Variants in FBLN5 observed in about 807,000 individuals in gnomAD.
The protein encoded by FBLN5 is fibulin-5.
Under a neutral mutation model 61.6 loss-of-function variants are expected in FBLN5, and 24 were observed. The observed-to-expected ratio is 0.39, with a 90% CI of 0.28 to 0.55. FBLN5 has a LOEUF of 0.55. Among genes scored for constraint, FBLN5 ranks in the 20% least tolerant of loss-of-function variants. The probability of loss-of-function intolerance (pLI) is 0.65; values close to 1 mark genes in which losing one functional copy is unlikely to be tolerated. For synonymous variants in FBLN5, 213 were observed against 219.8 expected (o/e 0.97, Z 0.27); for missense variants, 470 against 594.1 (o/e 0.79, Z 2.17).
chr14:91,894,820 C>T, intron 5 of FBLN5, 130 bp downstream of exon 5: 1 of 473,572 alleles, frequency 2.1e-6, no homozygotes, highest in South Asian at 1.6e-5. Context: ...AATAGCCTTC[C>T]ACCCCTCCCG....
intron 4 of FBLN5, among the ~76,000 whole-genome samples, chr14:91,926,874 A>C (rs1291627127): frequency 6.6e-6 from 1 of 152,176 alleles, no homozygotes; most frequent in Non-Finnish European, 1.5e-5. Flanking sequence ...ACTAAGCCTC[A>C]AAACATTCCC....
intron 10 of FBLN5, among the ~76,000 whole-genome samples, chr14:91,871,811 C>G (rs1039309927): frequency 6.6e-6 from 1 of 151,202 alleles, no homozygotes; most frequent in East Asian, 1.9e-4. Context: ...GAATAGAGAT[C>G]GCACCACTAT....
chr14:91,898,741 C>T (rs1477661325), intron 4 of FBLN5, among the ~76,000 whole-genome samples: 1 of 150,318 alleles, frequency 6.7e-6, no homozygotes, highest in Non-Finnish European at 1.5e-5. Context: ...GAAAAGAATG[C>T]TGGGTGCATT....
chr14:91,870,803 C>G (rs1888888189), intron 10 of FBLN5, among the ~76,000 whole-genome samples: 1 of 152,150 alleles, frequency 6.6e-6, no homozygotes, highest in Non-Finnish European at 1.5e-5. Flanking sequence ...CTGAGTCCCC[C>G]TAGAAGCCAG....
At chr14:91,923,035 C>T (rs763450947) in intron 4 of FBLN5, among the ~76,000 whole-genome samples, 37 of 152,142 alleles carry the variant, frequency 2.4e-4, no homozygotes, top group Non-Finnish European at 4.6e-4. Context: ...TGAGAAGATA[C>T]CATCTCCGAA....
rs2056142427 is a variant in FBLN5, at chr14:91,943,728, A to C, written c.18-767T>G. On this transcript the variant is annotated intron_variant, in intron 1 of 10. Coordinates refer to ENST00000342058, the MANE Select transcript of FBLN5 (RefSeq NM_006329.4). The surrounding 1 kb of genome is among the most constrained non-coding windows in gnomAD (Gnocchi z 4.0). ...CCAAAGAAAGGTGTCACAGGAAGTC[A>C]CTGAACCAGAGCATTGAGTCCACAT... is the stretch of plus-strand genomic sequence containing the variant. Among the ~76,000 whole-genome samples the C allele has an allele frequency of 6.6e-6, 1 of 152,204 alleles. No individual in the cohort carries two copies. Among genetic ancestry groups the C allele is most frequent in the African/African-American group, 2.4e-5 (1 of 41,450 alleles).
chr14:91,878,731 GC>G (rs1481265849), intron 9 of FBLN5, among the ~76,000 whole-genome samples: 1 of 152,094 alleles, frequency 6.6e-6, no homozygotes, highest in Admixed American at 6.5e-5. Flanking sequence ...TCCCATTCCA[GC>G]CCAAGTGTCA....
At chr14:91,923,620 T>G (rs1251562193) in intron 4 of FBLN5, among the ~76,000 whole-genome samples, 1 of 152,190 alleles carries the variant, frequency 6.6e-6, no homozygotes, top group East Asian at 1.9e-4. Context: ...ACCATATGCA[T>G]TCACATTCCT....
At chr14:91,885,666 T>A (rs1314240206) in intron 7 of FBLN5, among the ~76,000 whole-genome samples, 1 of 152,038 alleles carries the variant, frequency 6.6e-6, no homozygotes, top group East Asian at 1.9e-4. Context: ...ACTCAGGGAG[T>A]GACTTGGTCA....
chr14:91,915,853 T>A (rs1449680627), intron 4 of FBLN5, among the ~76,000 whole-genome samples: 1 of 152,166 alleles, frequency 6.6e-6, no homozygotes, highest in Non-Finnish European at 1.5e-5. Context: ...GGTTAGACCA[T>A]TCTAACTTTC....
At chr14:91,917,983 G>A (rs1891266787) in intron 4 of FBLN5, among the ~76,000 whole-genome samples, 1 of 152,204 alleles carries the variant, frequency 6.6e-6, no homozygotes. Context: ...CAAGGACTAA[G>A]CCTCCCTCTG....
At chr14:91,946,397 C>T (rs533325235) in intron 1 of FBLN5, among the ~76,000 whole-genome samples, 52 of 152,174 alleles carry the variant, frequency 3.4e-4, no homozygotes, top group African/African-American at 1.3e-3. Context: ...GTGGGTTCGC[C>T]GGTGTTGTGC....
At chr14:91,939,193 A>G (rs907182804) in intron 3 of FBLN5, among the ~76,000 whole-genome samples, 1 of 152,106 alleles carries the variant, frequency 6.6e-6, no homozygotes, top group African/African-American at 2.4e-5. Flanking sequence ...CATATGCCCT[A>G]TGCTCTGTCA....
rs929962655 is a variant in FBLN5, at chr14:91,899,037, C to T, written c.380-3965G>A. On this transcript the variant is annotated intron_variant, in intron 4 of 10. Transcript: ENST00000342058. The stretch of plus-strand genomic sequence containing the variant: ...CAGGATGGTCTCTATCTCCTGACCT[C>T]GTGATCTGCCCGCATCGGCCTCCCA... Among the ~76,000 whole-genome samples the T allele has an allele frequency of 5.3e-5, 8 of 152,100 alleles. No individual in the cohort carries two copies. In the East Asian group the frequency reaches 9.7e-4, roughly 18 times the overall value.
intron 7 of FBLN5, 83 bp from the exon 8 acceptor site, chr14:91,883,159 A>C: frequency 9.8e-5 from 146 of 1,484,262 alleles, no homozygotes; most frequent in Non-Finnish European, 1.2e-4. Context: ...TCCAACTCTC[A>C]CACTGTCTTG....
rs1595354478 is a variant in FBLN5 at position 91,947,230 on chromosome 14, G to A, written c.-1C>T. 1 of 1,614,210 alleles carries A rather than the reference G, an allele frequency of 6.2e-7. No individual in the cohort carries two copies. The highest frequency in any genetic ancestry group is 8.5e-7 in the Non-Finnish European group (1 of 1,180,034). On this transcript the variant is annotated 5_prime_UTR_variant, in exon 1 of 11. Coordinates refer to ENST00000342058, the MANE Select transcript of FBLN5 (RefSeq NM_006329.4). The surrounding 1 kb of genome is among the most constrained non-coding windows in gnomAD (Gnocchi z 4.3). The stretch of plus-strand genomic sequence containing the variant: ...GAACCCACCTTTTTATTCCTGGCAT[G>A]TCCAAGACGCGCGAGGAGGAGATGC...
rs937710447 is a variant in FBLN5 at position 91,869,917 on chromosome 14, T to A, written c.*307A>T. 5.1e-5 allele frequency: 20 copies of A among 390,230 alleles called. No homozygotes were observed. Among genetic ancestry groups the A allele is most frequent in the African/African-American group, 3.9e-4 (19 of 48,276 alleles). 24.2% of individuals were successfully genotyped at this position (390,230 alleles called of 1,614,324 possible). ...TAGACTCAGACCCCCGCAAACCTAA[T>A]CTATTTTCTTTGAAAATAGTGGAAA... On this transcript the variant is annotated 3_prime_UTR_variant, in exon 11 of 11. Transcript: ENST00000342058.
chr14:91,870,121 A>G lies in FBLN5; in HGVS notation c.*103T>C. 1 of 1,220,964 alleles carries G rather than the reference A, an allele frequency of 8.2e-7. No individual in the cohort carries two copies. Among genetic ancestry groups the G allele is most frequent in the African/African-American group, 1.5e-5 (1 of 67,412 alleles). 75.6% of individuals were successfully genotyped at this position (1,220,964 alleles called of 1,614,324 possible). A position where few individuals can be genotyped will look rare whatever the true frequency, so the allele number is the denominator to read the frequency against. ...ACTCTTCGGGGAAACGTTCAGCAGG[A>G]AATGCCTAACGTCTGTGTCGCTCTC... is the stretch of plus-strand genomic sequence containing the variant. On this transcript the variant is annotated 3_prime_UTR_variant, in exon 11 of 11. Transcript: ENST00000342058.
At chr14:91,875,110 A>T (rs1010502547) in intron 10 of FBLN5, among the ~76,000 whole-genome samples, 1 of 152,200 alleles carries the variant, frequency 6.6e-6, no homozygotes, top group African/African-American at 2.4e-5. Flanking sequence ...GATTACAGGC[A>T]TGAGCCCCTG....
Sources: gnomAD v4.1 joint callset for allele counts (sites outside exome capture counted in the v4.1 genomes callset) on GRCh38, gnomAD v4.1.1 for gene constraint, Gnocchi (gnomAD v3.1) non-coding constraint, MANE v1.5 for transcripts, NCBI Gene and HGNC (gene_info 2026-07-23, HGNC 2026-07-21) for gene names.